SYT2: variants seen among roughly 807,000 people sequenced by gnomAD.
SYT2 encodes the protein synaptotagmin-2.
Under a neutral mutation model 39.9 loss-of-function variants are expected in SYT2, and 15 were observed. That is an observed-to-expected ratio of 0.38 (90% CI 0.25 to 0.58). SYT2 has a LOEUF of 0.58. SYT2 is among the 20% of genes least tolerant of loss of function. SYT2 has a pLI of 0.70. For synonymous variants in SYT2, 181 were observed against 204.5 expected (o/e 0.89, Z 0.98); for missense variants, 389 against 530.3 (o/e 0.73, Z 2.62).
At chr1:202,635,408 G>T (rs1386997671) in intron 1 of SYT2, among the ~76,000 whole-genome samples, 1 of 152,214 alleles carries the variant, frequency 6.6e-6, no homozygotes, top group East Asian at 1.9e-4. Context: ...GCAGGGTCAC[G>T]GGAGACAGGC....
At chr1:202,609,737 GT>G (rs1283049791) in intron 1 of SYT2, among the ~76,000 whole-genome samples, 1 of 152,090 alleles carries the variant, frequency 6.6e-6, no homozygotes. Context: ...TGATGGGGTT[GT>G]TTTTTTCTTG....
At chr1:202,655,439 C>G (rs1300082218) in intron 1 of SYT2, among the ~76,000 whole-genome samples, 2 of 152,046 alleles carry the variant, frequency 1.3e-5, no homozygotes, top group African/African-American at 4.8e-5. Context: ...TACTGTTGAG[C>G]CAACAGCTGA....
chr1:202,706,545 A>G (rs1654256307), intron 1 of SYT2, among the ~76,000 whole-genome samples: 1 of 152,190 alleles, frequency 6.6e-6, no homozygotes, highest in African/African-American at 2.4e-5. Context: ...TGGCAAGACT[A>G]AAAAACAGAG....
At chr1:202,634,232 T>C (rs1202588434) in intron 1 of SYT2, among the ~76,000 whole-genome samples, 1 of 152,158 alleles carries the variant, frequency 6.6e-6, no homozygotes, top group Non-Finnish European at 1.5e-5. Context: ...AAAATAAGTA[T>C]ACTGGCCGGG....
At chr1:202,676,455 A>G (rs1313837643) in intron 1 of SYT2, among the ~76,000 whole-genome samples, 1 of 152,188 alleles carries the variant, frequency 6.6e-6, no homozygotes, top group Non-Finnish European at 1.5e-5. Flanking sequence ...TACAACACCT[A>G]GCATGCAGAC....
intron 1 of SYT2, among the ~76,000 whole-genome samples, chr1:202,641,903 A>G (rs1449926375): frequency 6.6e-6 from 1 of 152,214 alleles, no homozygotes; most frequent in African/African-American, 2.4e-5. Context: ...CATCAGCTGG[A>G]TTCTGAAAGT....
At chr1:202,615,691 G>A (rs1254814627) in intron 1 of SYT2, among the ~76,000 whole-genome samples, 3 of 152,078 alleles carry the variant, frequency 2.0e-5, no homozygotes, top group Admixed American at 6.5e-5. Context: ...TCTCAGTCAC[G>A]CAGTTCCTGC....
chr1:202,634,165 G>C (rs6427959), intron 1 of SYT2, among the ~76,000 whole-genome samples: 1 of 152,072 alleles, frequency 6.6e-6, no homozygotes, highest in Non-Finnish European at 1.5e-5. Context: ...ATAATTAAAG[G>C]AGACTATCCA....
At chr1:202,658,208 G>A (rs546748816) in intron 1 of SYT2, among the ~76,000 whole-genome samples, 3 of 152,146 alleles carry the variant, frequency 2.0e-5, no homozygotes, top group Non-Finnish European at 4.4e-5. Flanking sequence ...TGACAAAGCT[G>A]ACTGGCCCCT....
intron 1 of SYT2, among the ~76,000 whole-genome samples, chr1:202,641,027 T>A (rs1691902513): frequency 6.6e-6 from 1 of 152,226 alleles, no homozygotes; most frequent in Non-Finnish European, 1.5e-5. Context: ...GGACCAAGTA[T>A]TTACATATGC....
In SYT2 at chr1:202,678,273, C is replaced by CAAA. The variant is rs773123862; in HGVS notation, c.-18+31982_-18+31984dup. 1.1e-3 allele frequency among the ~76,000 whole-genome samples: 33 copies of CAAA among 30,706 alleles called. 1 individual carries two copies. Among genetic ancestry groups the CAAA allele is most frequent in the African/African-American group, 2.6e-3 (21 of 7,976 alleles). 20.1% of individuals were successfully genotyped at this position (30,706 alleles called of 152,430 possible). A position where few individuals can be genotyped will look rare whatever the true frequency, so the allele number is the denominator to read the frequency against. On this transcript the variant is annotated intron_variant, in intron 1 of 8. Transcript: ENST00000367268. ...TGAGTGACAGAGCGAGACTCTGTCTCAAAAAAAAAAAAAAAAAAAAAAAAA... is the reference window on the plus strand; with the variant it reads ...TGAGTGACAGAGCGAGACTCTGTCTCAAAAAAAAAAAAAAAAAAAAAAAAAAAA...
chr1:202,624,784 GGT>G (rs1320369707), intron 1 of SYT2, among the ~76,000 whole-genome samples: 1 of 143,910 alleles, frequency 6.9e-6, no homozygotes, highest in Non-Finnish European at 1.5e-5. Flanking sequence ...GTGTGTGTGT[GGT>G]GTGTATGGCA....
At chr1:202,671,321 T>C (rs1572670257) in intron 1 of SYT2, among the ~76,000 whole-genome samples, 1 of 152,150 alleles carries the variant, frequency 6.6e-6, no homozygotes, top group Admixed American at 6.5e-5. Context: ...CTCATGGCGG[T>C]GGAGGCCAGT....
intron 1 of SYT2, chr1:202,632,453 G>A: frequency 4.5e-6 from 3 of 671,024 alleles, no homozygotes; most frequent in Non-Finnish European, 5.5e-6. Flanking sequence ...CAGCAAACCT[G>A]GGAGAAACTG....
In SYT2 at chr1:202,691,711, GA is replaced by G. The variant is rs1393094433; in HGVS notation, c.-18+18546del. ...GGAGAGGGAGAGGGAGAGGGAGAGG[GA>G]GAGGGAGAGGGAGAGGGGGGGAGAG... On this transcript the variant is annotated intron_variant, in intron 1 of 8. Transcript: ENST00000367268. 2.6e-3 allele frequency among the ~76,000 whole-genome samples: 152 copies of G among 57,610 alleles called. 5 individuals carry two copies. Among genetic ancestry groups the G allele is most frequent in the African/African-American group, 6.4e-3 (123 of 19,192 alleles). 37.8% of individuals were successfully genotyped at this position (57,610 alleles called of 152,430 possible). A position where few individuals can be genotyped will look rare whatever the true frequency, so the allele number is the denominator to read the frequency against.
At chr1:202,687,325 C>T (rs1052084696) in intron 1 of SYT2, among the ~76,000 whole-genome samples, 28 of 152,306 alleles carry the variant, frequency 1.8e-4, no homozygotes, top group African/African-American at 6.7e-4. Flanking sequence ...GCCCTAAGTG[C>T]TCCATCCCTG....
At chr1:202,703,982 T>C (rs1050043311) in intron 1 of SYT2, among the ~76,000 whole-genome samples, 1 of 152,220 alleles carries the variant, frequency 6.6e-6, no homozygotes, top group African/African-American at 2.4e-5. Flanking sequence ...GAGTTCTCCA[T>C]GGTCTGAGGA....
Position 202,591,431 on chromosome 1 carries a change from G to A in SYT2, c.*5326C>T, listed in dbSNP as rs1690113730. Reference sequence around the variant, plus strand: ...CCTGTCCCTCTCAGTTCAACAGGATGACCTGGGGCCTTGGAAGCCCCCAGG... The same window carrying A: ...CCTGTCCCTCTCAGTTCAACAGGATAACCTGGGGCCTTGGAAGCCCCCAGG... On this transcript the variant is annotated 3_prime_UTR_variant, in exon 9 of 9. Coordinates refer to ENST00000367268, the MANE Select transcript of SYT2 (RefSeq NM_177402.5). 1 of 152,438 alleles carries A rather than the reference G, an allele frequency of 6.6e-6. No homozygotes were observed. Among genetic ancestry groups the A allele is most frequent in the Admixed American group, 6.5e-5 (1 of 15,294 alleles). 9.4% of individuals were successfully genotyped at this position (152,438 alleles called of 1,614,324 possible).
chr1:202,634,740 A>T (rs1278618345), intron 1 of SYT2, among the ~76,000 whole-genome samples: 1 of 152,244 alleles, frequency 6.6e-6, no homozygotes, highest in African/African-American at 2.4e-5. Context: ...AATGTGGCTA[A>T]ACCTTGAAAG....
Sources: gnomAD v4.1 joint callset for allele counts (sites outside exome capture counted in the v4.1 genomes callset) on GRCh38, gnomAD v4.1.1 for gene constraint, MANE v1.5 for transcripts, NCBI Gene and HGNC (gene_info 2026-07-23, HGNC 2026-07-21) for gene names.